Variants in CACNA1G observed in about 807,000 individuals in gnomAD.
The protein encoded by CACNA1G is calcium voltage-gated channel subunit alpha1 G, also known as voltage-dependent T-type calcium channel subunit alpha-1G.
Under a neutral mutation model 219.4 loss-of-function variants are expected in CACNA1G, and 67 were observed. The observed-to-expected ratio is 0.31, with a 90% CI of 0.25 to 0.37. The LOEUF (loss-of-function observed/expected upper bound fraction) is 0.37, where lower values mean the gene tolerates loss of function less well. Ranked by LOEUF, CACNA1G falls within the 10% of genes least tolerant of loss-of-function variation. The pLI is 1.00. For synonymous variants in CACNA1G, 1,296 were observed against 1,345.3 expected, an observed-to-expected ratio of 0.96 and a Z score of 0.80; for missense variants, 2,380 against 3,231.4, an observed-to-expected ratio of 0.74 and a Z score of 6.39.
At chr17:50,588,637 C>CTGATGACTCTAGGGTG (rs2043505979) in intron 9 of CACNA1G, among the ~76,000 whole-genome samples, 2 of 152,168 alleles carry the variant, frequency 1.3e-5, no homozygotes, top group African/African-American at 4.8e-5. Flanking sequence ...GGCAGTGCCC[C>CTGATGACTCTAGGGTG]CACTCACAAT....
chr17:50,624,324 T>TCCCCCCCCCCCCCCCCCCCGTGC, intron 36 of CACNA1G, 36 bp from the exon 37 acceptor site: 1 of 1,177,664 alleles, frequency 8.5e-7, no homozygotes, highest in Non-Finnish European at 1.2e-6. Flanking sequence ...CTCCATTCTC[T>TCCCCCCCCCCCCCCCCCCCGTGC]CCCCCCACCC....
chr17:50,615,231 C>A, intron 26 of CACNA1G, 130 bp from the exon 27 acceptor site: 2 of 919,192 alleles, frequency 2.2e-6, no homozygotes, highest in South Asian at 2.4e-5. Flanking sequence ...GTGGGGAGGG[C>A]GAGGATGGTG....
chr17:50,585,063 C>T (rs2042736593), intron 9 of CACNA1G, among the ~76,000 whole-genome samples: 1 of 152,098 alleles, frequency 6.6e-6, no homozygotes, highest in Admixed American at 6.5e-5. Context: ...AGAAGGGCAG[C>T]CTTTATGTGG....
At chr17:50,575,404 CT>C in intron 7 of CACNA1G, 138 bp from the exon 8 acceptor site, 2 of 948,646 alleles carry the variant, frequency 2.1e-6, no homozygotes, top group Non-Finnish European at 3.1e-6. Context: ...CTGAGGCTGT[CT>C]TAAAAATAAA....
chr17:50,582,120 AC>A, intron 9 of CACNA1G, among the ~76,000 whole-genome samples: 1 of 152,348 alleles, frequency 6.6e-6, no homozygotes, highest in South Asian at 2.1e-4. Flanking sequence ...TAAAGAGGTC[AC>A]AACAAGTAAA....
intron 26 of CACNA1G, among the ~76,000 whole-genome samples, chr17:50,613,087 A>T (rs2049595350): frequency 6.6e-6 from 1 of 152,224 alleles, no homozygotes; most frequent in African/African-American, 2.4e-5. Context: ...CTCTGGGCCA[A>T]GGCCTCAAAG....
At chr17:50,595,753 GTGC>G (rs1490783158) in intron 14 of CACNA1G, among the ~76,000 whole-genome samples, 3 of 152,244 alleles carry the variant, frequency 2.0e-5, no homozygotes, top group Non-Finnish European at 1.5e-5. Flanking sequence ...GGACCCCATG[GTGC>G]TGCATATCCC....
At chr17:50,581,654 C>T (rs956923375) in intron 9 of CACNA1G, among the ~76,000 whole-genome samples, 1 of 152,270 alleles carries the variant, frequency 6.6e-6, no homozygotes, top group African/African-American at 2.4e-5. Context: ...TTCCTCCACC[C>T]CTTAACCACC....
At position 50,572,553 on chromosome 17, in the gene CACNA1G, G is replaced by A; in HGVS notation, c.747-1G>A. 6.5e-7 allele frequency: 1 copy of A among 1,530,090 alleles called. No homozygotes were observed. Among genetic ancestry groups the A allele is most frequent in the Non-Finnish European group, 8.8e-7 (1 of 1,136,416 alleles). The allele number at this position is 1,530,090 out of a possible 1,614,324, so 94.8% of individuals were successfully genotyped here. A position where few individuals can be genotyped will look rare whatever the true frequency, so the allele number is the denominator to read the frequency against. On this transcript the variant is annotated splice_acceptor_variant, in intron 5 of 37. Coordinates refer to ENST00000359106, the MANE Select transcript of CACNA1G (RefSeq NM_018896.5). LOFTEE classifies it high-confidence loss of function. Reference sequence around the variant, plus strand: ...CCCCTGTTCCCCTTCCCATCCTGCAGCCCCCTGAGCGTGGACCTGGAGCGC... The same window carrying A: ...CCCCTGTTCCCCTTCCCATCCTGCAACCCCCTGAGCGTGGACCTGGAGCGC...
rs1193869717 is a variant in CACNA1G, at chr17:50,609,808, G to GA, written c.4706-72dup. ...GGCAGAGTGAGGTGGGAGCTGAGGGGAAGCCGCCCCTGAGGGGCCCTGCCC... is the reference window on the plus strand; with the variant it reads ...GGCAGAGTGAGGTGGGAGCTGAGGGGAAAGCCGCCCCTGAGGGGCCCTGCCC... On this transcript the variant is annotated intron_variant, in intron 25 of 37. Transcript: ENST00000359106. 6 of 1,389,352 alleles carry GA rather than the reference G, an allele frequency of 4.3e-6. No individual in the cohort carries two copies. In the East Asian group the frequency reaches 1.4e-4, roughly 33 times the overall value. The allele number at this position is 1,389,352 out of a possible 1,614,324, so 86.1% of individuals were successfully genotyped here.
rs1182582142 is a variant in CACNA1G at position 50,626,326 on chromosome 17, C to A, written c.6709C>A (p.Pro2237Thr). 8 of 1,613,254 alleles carry A rather than the reference C, an allele frequency of 5.0e-6. No individual in the cohort carries two copies. In the East Asian group the frequency reaches 1.6e-4, roughly 31 times the overall value. ...CCTGCCCCCTGGCGGCCAGGAGGAG[C>A]CCCCATCCCCACGGGACCTGAAGAA... is the stretch of plus-strand genomic sequence containing the variant. ...DLLPPGGQEE[P>T]PSPRDLKKCY... The change falls in exon 38 of 38, where the codon CCC (proline) becomes ACC (threonine). Residue 2237 changes from proline (P) to threonine (T), a missense_variant. By Grantham distance (38) the Pro-to-Thr change is conservative. Coordinates refer to ENST00000359106, the MANE Select transcript of CACNA1G (RefSeq NM_018896.5). This position sits in a 1 kb window ranked among gnomAD's most constrained non-coding sequence, Gnocchi z 4.3.
intron 24 of CACNA1G, 150 bp downstream of exon 24, chr17:50,607,139 C>T (rs2048128792): frequency 1.4e-6 from 1 of 704,646 alleles, no homozygotes. Flanking sequence ...GCCTGTGGGC[C>T]AAATCTGGGC....
Position 50,617,664 on chromosome 17 carries a change from G to T in CACNA1G, c.5155+93G>T. On this transcript the variant is annotated intron_variant, in intron 29 of 37. Coordinates refer to ENST00000359106, the MANE Select transcript of CACNA1G (RefSeq NM_018896.5). The surrounding 1 kb of genome is among the most constrained non-coding windows in gnomAD (Gnocchi z 5.8). ...CTTTGTGGCTGGTCAAGGCCTGGGC[G>T]GCTGTGGGTTCCCATGGGTCTTTCT... 6.6e-7 allele frequency: 1 copy of T among 1,508,142 alleles called. No individual in the cohort carries two copies. The highest frequency in any genetic ancestry group is 1.2e-5 in the South Asian group (1 of 80,216). The allele number at this position is 1,508,142 out of a possible 1,614,324, so 93.4% of individuals were successfully genotyped here. A position where few individuals can be genotyped will look rare whatever the true frequency, so the allele number is the denominator to read the frequency against.
intron 27 of CACNA1G, 56 bp downstream of exon 27, chr17:50,615,568 G>C: frequency 6.3e-7 from 1 of 1,583,196 alleles, no homozygotes; most frequent in East Asian, 2.3e-5. Flanking sequence ...AGGAACCTCT[G>C]GGCAAGGTTA....
chr17:50,584,268 G>C (rs942579798), intron 9 of CACNA1G, among the ~76,000 whole-genome samples: 2 of 152,118 alleles, frequency 1.3e-5, no homozygotes, highest in African/African-American at 2.4e-5. Context: ...AGGTAGGAGT[G>C]GGGGTACTGG....
intron 3 of CACNA1G, 132 bp downstream of exon 3, chr17:50,569,430 G>C: frequency 1.0e-6 from 1 of 974,182 alleles, no homozygotes; most frequent in Non-Finnish European, 1.6e-6. Flanking sequence ...ATCTCCTGAG[G>C]GTCTGAGGCT....
rs1252106759 is a variant in CACNA1G at position 50,627,433 on chromosome 17, ATC to A, written c.*684_*685del. Reference sequence around the variant, plus strand: ...TACATACATACATATCTATCTATCTATCTATATATATATAAAATAAAGTAATT... The same window carrying A: ...TACATACATACATATCTATCTATCTATATATATATATAAAATAAAGTAATT... On this transcript the variant is annotated 3_prime_UTR_variant, in exon 38 of 38. Transcript: ENST00000359106. 2.3e-5 allele frequency: 6 copies of A among 259,084 alleles called. 1 individual carries two copies. Among genetic ancestry groups the A allele is most frequent in the African/African-American group, 9.3e-5 (4 of 43,200 alleles). The allele number at this position is 259,084 out of a possible 1,614,324, so 16.0% of individuals were successfully genotyped here. A position where few individuals can be genotyped will look rare whatever the true frequency, so the allele number is the denominator to read the frequency against.
In CACNA1G at chr17:50,626,322, G is replaced by A. The variant is rs746650815; in HGVS notation, c.6705G>A (p.Glu2235=). ...SGDLLPPGGQ[E]EPPSPRDLKK... Reference sequence around the variant, plus strand: ...ACCTCCTGCCCCCTGGCGGCCAGGAGGAGCCCCCATCCCCACGGGACCTGA... The same window carrying A: ...ACCTCCTGCCCCCTGGCGGCCAGGAAGAGCCCCCATCCCCACGGGACCTGA... Residue 2235 remains glutamate (E), a synonymous_variant, in exon 38 of 38, where the codon GAG becomes GAA. Transcript: ENST00000359106. The surrounding 1 kb of genome is among the most constrained non-coding windows in gnomAD (Gnocchi z 4.3). 1.2e-6 allele frequency: 2 copies of A among 1,613,230 alleles called. No homozygotes were observed. Among genetic ancestry groups the A allele is most frequent in the African/African-American group, 1.3e-5 (1 of 74,926 alleles).
intron 24 of CACNA1G, 39 bp from the exon 25 acceptor site, chr17:50,607,788 G>C (rs373067344): frequency 1.2e-5 from 19 of 1,590,058 alleles, no homozygotes; most frequent in Non-Finnish European, 1.5e-5. Flanking sequence ...GCTTGCCCTC[G>C]GGCTGATGCC....
Sources: gnomAD v4.1 joint callset for allele counts (sites outside exome capture counted in the v4.1 genomes callset) on GRCh38, gnomAD v4.1.1 for gene constraint, Gnocchi (gnomAD v3.1) non-coding constraint, MANE v1.5 for transcripts, NCBI Gene and HGNC (gene_info 2026-07-23, HGNC 2026-07-21) for gene names.